TMED3: variants seen among roughly 807,000 people sequenced by gnomAD.
TMED3 encodes the protein transmembrane p24 trafficking protein 3.
A neutral mutation model predicts 15.0 loss-of-function variants in TMED3; 9 were observed. The ratio of observed to expected loss-of-function variants is 0.60; its 90% CI spans 0.36 to 1.04. The LOEUF is 1.04. Ranked by LOEUF, TMED3 falls within the 50% of genes least tolerant of loss-of-function variation. TMED3 has a pLI of 0.01. For synonymous variants in TMED3, 117 were observed against 121.4 expected (o/e 0.96, Z 0.24); for missense variants, 267 against 278.9 (o/e 0.96, Z 0.30).
At chr15:79,383,543 T>G (rs949911719) in intron 2 of TMED3, 1 of 154,408 alleles carries the variant, frequency 6.5e-6, no homozygotes, top group African/African-American at 2.4e-5. Flanking sequence ...TTCCCACTTG[T>G]CGCTCCCCAG....
chr15:79,345,139 T>A (rs1343645977), intron 2 of TMED3, among the ~76,000 whole-genome samples: 2 of 152,156 alleles, frequency 1.3e-5, no homozygotes, highest in African/African-American at 4.8e-5. Flanking sequence ...TTTTTAAAAA[T>A]TTATTTACTT....
chr15:79,368,969 G>C (rs60607397), intron 2 of TMED3, among the ~76,000 whole-genome samples: 5,054 of 151,730 alleles, frequency 0.033, 267 homozygotes, highest in African/African-American at 0.11. Flanking sequence ...GTGGCACACG[G>C]CTGTAATCCC....
chr15:79,387,423 C>T (rs1893639836), intron 2 of TMED3, among the ~76,000 whole-genome samples: 1 of 152,164 alleles, frequency 6.6e-6, no homozygotes, highest in Non-Finnish European at 1.5e-5. Flanking sequence ...AATCCCTGTG[C>T]AAATACTACA....
intron 2 of TMED3, among the ~76,000 whole-genome samples, chr15:79,403,787 G>C (rs1303289746): frequency 6.6e-6 from 1 of 152,182 alleles, no homozygotes; most frequent in African/African-American, 2.4e-5. Context: ...AGTAATGGAG[G>C]CAGGAAGCAC....
intron 2 of TMED3, among the ~76,000 whole-genome samples, chr15:79,382,546 T>G (rs1893553911): frequency 6.6e-6 from 1 of 152,236 alleles, no homozygotes; most frequent in Admixed American, 6.5e-5. Context: ...TGGCCTGCAC[T>G]GGCAGCACCT....
At chr15:79,325,534 G>C (rs1469800324), downstream of TMED3, among the ~76,000 whole-genome samples, 1 of 152,178 alleles carries the variant, frequency 6.6e-6, no homozygotes, top group Admixed American at 6.5e-5. Context: ...GGGTTCTCCA[G>C]AGGGACAGAA....
chr15:79,411,511 T>G (rs1246580625), exon 3 of TMED3: 1 of 701,878 alleles, frequency 1.4e-6, no homozygotes, highest in South Asian at 1.5e-5. Flanking sequence ...CTAACAGATT[T>G]TCAGCGGGGA....
intron 2 of TMED3, among the ~76,000 whole-genome samples, chr15:79,381,812 A>G (rs1893542224): frequency 6.6e-6 from 1 of 152,194 alleles, no homozygotes; most frequent in South Asian, 2.1e-4. Flanking sequence ...TTGACTTAAC[A>G]ATGTCAGAGC....
intron 2 of TMED3, among the ~76,000 whole-genome samples, chr15:79,377,935 C>T (rs28447524): frequency 0.36 from 54,759 of 152,162 alleles, 10,073 homozygotes; most frequent in East Asian, 0.54. Flanking sequence ...CGTGAGCCAC[C>T]GCGCCCGGCT....
At position 79,401,803 on chromosome 15, in the gene TMED3, A is replaced by G. The variant is rs115777040; in HGVS notation, c.418-9597A>G. Reference sequence around the variant, plus strand: ...ATTTTCCTGTCAAATCACTTTTGCAATGGGGTATGTTGGGTGGGGATGTTT... The same window carrying G: ...ATTTTCCTGTCAAATCACTTTTGCAGTGGGGTATGTTGGGTGGGGATGTTT... On this transcript the variant is annotated intron_variant, in intron 2 of 2. Transcript: ENST00000424155. Among the ~76,000 whole-genome samples the G allele has an allele frequency of 9.8e-3, 1,486 of 152,288 alleles. 21 individuals carry two copies. The highest frequency in any genetic ancestry group is 0.034 in the African/African-American group (1,421 of 41,554).
At chr15:79,381,226 T>C (rs772551331) in intron 2 of TMED3, among the ~76,000 whole-genome samples, 27 of 152,186 alleles carry the variant, frequency 1.8e-4, no homozygotes, top group Middle Eastern at 3.4e-3. Context: ...ATCCTCTAGT[T>C]GTTGGTGGGC....
chr15:79,313,952 G>A lies in TMED3; in HGVS notation c.364G>A (p.Asp122Asn). ...CGTCTACTTTGACTTTCAAGTGGGC[G>A]ATGAGCCTCCCATTCTCCCAGACAT... ...KTVYFDFQVG[D>N]EPPILPDMGN... is the part of the protein sequence containing the mutation. Residue 122 changes from aspartate to asparagine, a missense_variant, in exon 2 of 3, where the codon GAT becomes AAT. Asp to Asn is a conservative substitution (Grantham distance 23). Around this residue, in one of 3 missense-constraint regions of TMED3, gnomAD observed 69 missense variants for 106.8 expected, o/e 0.65. Coordinates refer to ENST00000299705, the MANE Select transcript of TMED3 (RefSeq NM_007364.4). 1 of 1,614,204 alleles carries A rather than the reference G, an allele frequency of 6.2e-7. No homozygotes were observed. The highest frequency in any genetic ancestry group is 8.5e-7 in the Non-Finnish European group (1 of 1,180,034).
At chr15:79,345,871 T>C (rs1411404201) in intron 2 of TMED3, among the ~76,000 whole-genome samples, 1 of 152,236 alleles carries the variant, frequency 6.6e-6, no homozygotes, top group Non-Finnish European at 1.5e-5. Flanking sequence ...CATCTTCTCA[T>C]GGTTTTGATT....
chr15:79,390,322 CT>C (rs1173956468), intron 2 of TMED3, among the ~76,000 whole-genome samples: 1 of 151,990 alleles, frequency 6.6e-6, no homozygotes, highest in Non-Finnish European at 1.5e-5. Flanking sequence ...TTGTCAAATG[CT>C]TTTTTCTCCA....
chr15:79,393,993 G>A (rs549588956), intron 2 of TMED3, among the ~76,000 whole-genome samples: 3 of 152,224 alleles, frequency 2.0e-5, no homozygotes, highest in Non-Finnish European at 4.4e-5. Context: ...CACAGTGCCC[G>A]GCCCATTTAG....
chr15:79,334,410 G>T (rs1159307169), intron 2 of TMED3, among the ~76,000 whole-genome samples: 2 of 152,324 alleles, frequency 1.3e-5, no homozygotes, highest in East Asian at 1.9e-4. Flanking sequence ...AGCAGCAGGG[G>T]TGACCCCTTC....
chr15:79,379,053 A>G (rs1046495027), intron 2 of TMED3, among the ~76,000 whole-genome samples: 6 of 152,238 alleles, frequency 3.9e-5, no homozygotes, highest in Non-Finnish European at 8.8e-5. Flanking sequence ...TTTCCCATTC[A>G]TAAAGTGATT....
intron 2 of TMED3, among the ~76,000 whole-genome samples, chr15:79,329,432 G>C (rs2058799362): frequency 6.6e-6 from 1 of 152,232 alleles, no homozygotes; most frequent in South Asian, 2.1e-4. Context: ...AGCAAGTTTA[G>C]CACACAGGCG....
chr15:79,384,148 C>T (rs1486725805), intron 2 of TMED3: 1 of 152,202 alleles, frequency 6.6e-6, no homozygotes, highest in African/African-American at 2.4e-5. Flanking sequence ...GTCACAGGTA[C>T]CCAATAAGGT....
Sources: gnomAD v4.1 joint callset for allele counts (sites outside exome capture counted in the v4.1 genomes callset) on GRCh38, gnomAD v4.1.1 for gene constraint, gnomAD v4.1.1 regional missense constraint, MANE v1.5 for transcripts, NCBI Gene and HGNC (gene_info 2026-07-23, HGNC 2026-07-21) for gene names.